The following GRXCR1 variants were observed in gnomAD, a reference collection of about 807,000 sequenced individuals.
GRXCR1 encodes the protein glutaredoxin and cysteine rich domain containing 1.
GRXCR1 carries 27 observed loss-of-function variants against 27.3 expected under a neutral mutation model. That is an observed-to-expected ratio of 0.99 (90% confidence interval 0.73 to 1.37). The LOEUF (loss-of-function observed/expected upper bound fraction) is 1.37. Ranked by LOEUF, GRXCR1 falls within the 40% of genes most tolerant of loss-of-function variation. GRXCR1 has a pLI of 0.00. For synonymous variants in GRXCR1, 122 were observed against 131.1 expected, an observed-to-expected ratio of 0.93 and a Z score of 0.47; for missense variants, 379 against 354.4, an observed-to-expected ratio of 1.07 and a Z score of -0.56.
At chr4:42,929,917 A>G (rs10011214) in intron 1 of GRXCR1, among the ~76,000 whole-genome samples, 3,391 of 151,976 alleles carry the variant, frequency 0.022, 141 homozygotes, top group African/African-American at 0.076. Flanking sequence ...TACTATTTCC[A>G]TTTTAGGGGT....
intron 2 of GRXCR1, among the ~76,000 whole-genome samples, chr4:43,012,827 A>C (rs2109803373): frequency 6.6e-6 from 1 of 152,266 alleles, no homozygotes; most frequent in South Asian, 2.1e-4. Flanking sequence ...CTGCGTTCTA[A>C]AAATCAGTTT....
chr4:42,963,251 G>A, intron 2 of GRXCR1, 117 bp downstream of exon 2: 1 of 1,205,074 alleles, frequency 8.3e-7, no homozygotes, highest in Non-Finnish European at 1.2e-6. Context: ...TTTTTTTGGA[G>A]CTCAAACCAA....
chr4:43,024,852 G>A (rs929769992), intron 3 of GRXCR1, among the ~76,000 whole-genome samples: 2 of 152,098 alleles, frequency 1.3e-5, no homozygotes, highest in African/African-American at 2.4e-5. Flanking sequence ...AATGCCAAGC[G>A]TGTACTCTGA....
intron 2 of GRXCR1, among the ~76,000 whole-genome samples, chr4:43,011,136 A>G (rs564145996): frequency 6.6e-6 from 1 of 152,276 alleles, no homozygotes; most frequent in African/African-American, 2.4e-5. Flanking sequence ...TTGTTTTGAA[A>G]ACACATAATA....
chr4:43,009,760 A>G (rs1176611461), intron 2 of GRXCR1, among the ~76,000 whole-genome samples: 2 of 152,088 alleles, frequency 1.3e-5, no homozygotes, highest in Non-Finnish European at 1.5e-5. Flanking sequence ...ACCCCCCCAA[A>G]TACTCCACCT....
At chr4:42,960,826 C>T (rs1053921022) in intron 1 of GRXCR1, among the ~76,000 whole-genome samples, 2 of 151,786 alleles carry the variant, frequency 1.3e-5, no homozygotes, top group African/African-American at 4.8e-5. Context: ...CAAGCTTATC[C>T]TCTCCTTTTT....
intron 1 of GRXCR1, among the ~76,000 whole-genome samples, chr4:42,904,312 T>C (rs1195256457): frequency 6.6e-6 from 1 of 152,200 alleles, no homozygotes; most frequent in African/African-American, 2.4e-5. Flanking sequence ...CCTTTATGTC[T>C]AGACTCTTGA....
At chr4:43,000,390 C>A (rs573207554) in intron 2 of GRXCR1, among the ~76,000 whole-genome samples, 1 of 149,296 alleles carries the variant, frequency 6.7e-6, no homozygotes, top group African/African-American at 2.5e-5. Flanking sequence ...GCAGAAGAAT[C>A]GCTTGAACCA....
chr4:42,968,614 C>T (rs1748305147), intron 2 of GRXCR1, among the ~76,000 whole-genome samples: 1 of 151,942 alleles, frequency 6.6e-6, no homozygotes, highest in Non-Finnish European at 1.5e-5. Context: ...TTCAGTTCTG[C>T]CATTCTTAGC....
rs1560638881 is a variant in GRXCR1, at chr4:42,893,760, T to C, written c.384+110T>C. ...TCTCTTATTTGCAACTCCTACATGCTTCATGAGACGCTCCTCCACCTAAGA... is the reference window on the plus strand; with the variant it reads ...TCTCTTATTTGCAACTCCTACATGCCTCATGAGACGCTCCTCCACCTAAGA... On this transcript the variant is annotated intron_variant, in intron 1 of 3. Coordinates refer to ENST00000399770, the MANE Select transcript of GRXCR1 (RefSeq NM_001080476.3). 6.5e-5 allele frequency: 64 copies of C among 989,896 alleles called. 3 individuals are homozygous for C. The South Asian group carries it at 7.4e-4, about 12-fold the overall frequency. The allele number at this position is 989,896 out of a possible 1,614,324, so 61.3% of individuals were successfully genotyped here. A position where few individuals can be genotyped will look rare whatever the true frequency, so the allele number is the denominator to read the frequency against.
chr4:42,897,964 T>TATG (rs1397599761), intron 1 of GRXCR1, among the ~76,000 whole-genome samples: 6 of 140,520 alleles, frequency 4.3e-5, no homozygotes, highest in Admixed American at 1.5e-4. Context: ...TTATTCTTAT[T>TATG]ATGTCTGTTT....
intron 2 of GRXCR1, among the ~76,000 whole-genome samples, chr4:42,986,453 T>G (rs1187003734): frequency 4.6e-5 from 7 of 152,138 alleles, no homozygotes; most frequent in Admixed American, 3.9e-4. Flanking sequence ...CTCATGTTTC[T>G]CATCTGAAGT....
rs1053189411 is a variant in GRXCR1, at chr4:42,981,931, T to A, written c.627+18797T>A. ...ACTCTTGTTTGGATTATATAATATA[T>A]GAATGCAGAGCAGATATTTGACCTC... On this transcript the variant is annotated intron_variant, in intron 2 of 3. Coordinates refer to ENST00000399770, the MANE Select transcript of GRXCR1 (RefSeq NM_001080476.3). Among the ~76,000 whole-genome samples, 4 of 152,198 alleles carry A rather than the reference T, an allele frequency of 2.6e-5. No individual in the cohort carries two copies. The East Asian group carries it at 7.7e-4, about 29-fold the overall frequency.
intron 1 of GRXCR1, among the ~76,000 whole-genome samples, chr4:42,956,826 T>A (rs571181601): frequency 8.5e-5 from 13 of 152,206 alleles, no homozygotes; most frequent in African/African-American, 2.9e-4. Flanking sequence ...CCCCCACTGG[T>A]CCTTCTTTAC....
intron 1 of GRXCR1, among the ~76,000 whole-genome samples, chr4:42,948,445 T>C (rs942076599): frequency 6.6e-6 from 1 of 152,144 alleles, no homozygotes; most frequent in Admixed American, 6.6e-5. Flanking sequence ...AACAGTGTGT[T>C]TCATGGTTAC....
intron 2 of GRXCR1, among the ~76,000 whole-genome samples, chr4:42,965,871 T>A (rs1748226725): frequency 6.6e-6 from 1 of 151,942 alleles, no homozygotes; most frequent in Non-Finnish European, 1.5e-5. Context: ...TTACTGTCAG[T>A]GTTACCCAAT....
In GRXCR1 at chr4:42,902,311, C is replaced by T. The variant is rs112600221; in HGVS notation, c.384+8661C>T. ...GGAAAGAAGAGAAAGACAAATGATG[C>T]GAGAGTGGTTGTGATGCAGAACACA... On this transcript the variant is annotated intron_variant, in intron 1 of 3. Transcript: ENST00000399770. Among the ~76,000 whole-genome samples the T allele has an allele frequency of 1.4e-3, 215 of 152,194 alleles. 1 individual carries two copies. The highest frequency in any genetic ancestry group is 4.4e-3 in the African/African-American group (183 of 41,530).
At chr4:43,008,189 T>G (rs1260098954) in intron 2 of GRXCR1, among the ~76,000 whole-genome samples, 1 of 152,234 alleles carries the variant, frequency 6.6e-6, no homozygotes, top group Admixed American at 6.5e-5. Flanking sequence ...ATGTTAATTT[T>G]TATCTATGAC....
At position 42,936,542 on chromosome 4, in the gene GRXCR1, A is replaced by G. The variant is rs1747461068; in HGVS notation, c.385-26350A>G. ...TTTCCTATTATTAACATGTTAAAAT[A>G]AGTGTGGTACATTTGTCACAGTTAA... On this transcript the variant is annotated intron_variant, in intron 1 of 3. Coordinates refer to ENST00000399770, the MANE Select transcript of GRXCR1 (RefSeq NM_001080476.3). Among the ~76,000 whole-genome samples the G allele has an allele frequency of 2.0e-5, 3 of 152,076 alleles. No homozygotes were observed. The South Asian group carries it at 6.2e-4, about 31-fold the overall frequency.
Sources: gnomAD v4.1 joint callset for allele counts (sites outside exome capture counted in the v4.1 genomes callset) on GRCh38, gnomAD v4.1.1 for gene constraint, MANE v1.5 for transcripts, NCBI Gene and HGNC (gene_info 2026-07-23, HGNC 2026-07-21) for gene names.